The following NPAS3 variants were observed in gnomAD, a reference collection of about 807,000 sequenced individuals.
NPAS3 encodes neuronal PAS domain-containing protein 3.
A neutral mutation model predicts 73.1 loss-of-function variants in NPAS3; 14 were observed. The ratio of observed to expected loss-of-function variants is 0.19; its 90% CI spans 0.13 to 0.30. NPAS3 has a LOEUF of 0.30. Among genes scored for constraint, NPAS3 ranks in the 10% least tolerant of loss-of-function variants. NPAS3 has a pLI of 1.00. For missense variants in NPAS3, 1,096 were observed against 1,250.0 expected (o/e 0.88, Z 1.86); for synonymous variants, 620 against 541.5 (o/e 1.14, Z -2.01).
chr14:33,197,151 C>T (rs1461509564), intron 2 of NPAS3, among the ~76,000 whole-genome samples: 7 of 151,958 alleles, frequency 4.6e-5, no homozygotes, highest in Admixed American at 3.3e-4. Flanking sequence ...TACAGTTGAA[C>T]ATACACCATT....
At chr14:33,721,684 T>G (rs1327707869) in intron 6 of NPAS3, among the ~76,000 whole-genome samples, 1 of 152,168 alleles carries the variant, frequency 6.6e-6, no homozygotes, top group Non-Finnish European at 1.5e-5. Flanking sequence ...GAAAATTTAT[T>G]TAGGTTTCAT....
chr14:33,033,907 C>G (rs953961693), intron 1 of NPAS3, among the ~76,000 whole-genome samples: 6 of 152,132 alleles, frequency 3.9e-5, no homozygotes, highest in African/African-American at 1.2e-4. Context: ...GAAGCTTATG[C>G]ATAATACACA....
At chr14:33,027,154 G>A (rs1363471302) in intron 1 of NPAS3, among the ~76,000 whole-genome samples, 4 of 152,206 alleles carry the variant, frequency 2.6e-5, no homozygotes, top group African/African-American at 9.6e-5. Flanking sequence ...AGCGTTGGCA[G>A]GGAATTGGGC....
At chr14:33,255,737 G>A (rs899708901) in intron 3 of NPAS3, among the ~76,000 whole-genome samples, 4 of 152,100 alleles carry the variant, frequency 2.6e-5, no homozygotes, top group African/African-American at 7.2e-5. Context: ...CACAGTTAAG[G>A]TCTTTGTCTC....
chr14:33,087,177 G>GTATACAATATAATATTGTATAATATATAT (rs1566545854), intron 2 of NPAS3, among the ~76,000 whole-genome samples: 3 of 128,344 alleles, frequency 2.3e-5, no homozygotes, highest in African/African-American at 9.7e-5. Context: ...ATAATATATA[G>GTATACAATATAATATTGTATAATATATAT]TATACAATAT....
At chr14:33,381,872 G>C (rs2046569116) in intron 4 of NPAS3, among the ~76,000 whole-genome samples, 1 of 152,096 alleles carries the variant, frequency 6.6e-6, no homozygotes, top group Non-Finnish European at 1.5e-5. Context: ...CCTGTTTGCT[G>C]ACCATTTTGT....
At chr14:33,687,167 T>C (rs2060113298) in intron 6 of NPAS3, among the ~76,000 whole-genome samples, 1 of 152,130 alleles carries the variant, frequency 6.6e-6, no homozygotes, top group South Asian at 2.1e-4. Flanking sequence ...ACTATGGAGG[T>C]CTTAAGCTTT....
At chr14:33,451,686 A>T (rs2049798159) in intron 4 of NPAS3, among the ~76,000 whole-genome samples, 1 of 152,180 alleles carries the variant, frequency 6.6e-6, no homozygotes, top group Non-Finnish European at 1.5e-5. Context: ...TGGATTTACA[A>T]GCACTGTAAA....
intron 3 of NPAS3, among the ~76,000 whole-genome samples, chr14:33,316,350 C>A (rs1215250964): frequency 2.6e-5 from 4 of 152,016 alleles, no homozygotes; most frequent in African/African-American, 9.7e-5. Context: ...ACGTGAGCAG[C>A]AATACATAGA....
chr14:33,448,035 G>A (rs920826543), intron 4 of NPAS3, among the ~76,000 whole-genome samples: 5 of 152,208 alleles, frequency 3.3e-5, no homozygotes, highest in African/African-American at 9.6e-5. Context: ...CGTCTGGCCA[G>A]AATATTTGGG....
chr14:33,626,558 C>G (rs1477252641), intron 5 of NPAS3, among the ~76,000 whole-genome samples: 1 of 152,150 alleles, frequency 6.6e-6, no homozygotes, highest in African/African-American at 2.4e-5. Context: ...GGAAAGATAG[C>G]ATCATGGAAG....
intron 4 of NPAS3, among the ~76,000 whole-genome samples, chr14:33,496,722 G>A (rs963893112): frequency 5.3e-5 from 8 of 152,258 alleles, no homozygotes; most frequent in African/African-American, 1.9e-4. Context: ...AGCTATTGAT[G>A]ACAAACTGAC....
At chr14:33,061,591 A>T (rs1953449) in intron 2 of NPAS3, among the ~76,000 whole-genome samples, 1 of 152,008 alleles carries the variant, frequency 6.6e-6, no homozygotes, top group Non-Finnish European at 1.5e-5. Flanking sequence ...TATGTTGGTA[A>T]TGTGGATGGC....
At chr14:33,543,798 G>A (rs992261355) in intron 4 of NPAS3, among the ~76,000 whole-genome samples, 6 of 152,032 alleles carry the variant, frequency 3.9e-5, no homozygotes, top group East Asian at 3.9e-4. Flanking sequence ...GGAGTGAGTG[G>A]CAGCTGTTTG....
At chr14:33,268,172 C>T (rs977764223) in intron 3 of NPAS3, among the ~76,000 whole-genome samples, 2 of 152,078 alleles carry the variant, frequency 1.3e-5, no homozygotes, top group East Asian at 1.9e-4. Flanking sequence ...TTCTCTTGTC[C>T]ATTGGACAAG....
At chr14:33,224,872 T>C (rs1259510443) in intron 3 of NPAS3, among the ~76,000 whole-genome samples, 1 of 152,158 alleles carries the variant, frequency 6.6e-6, no homozygotes, top group Non-Finnish European at 1.5e-5. Context: ...ATTAGGAAAC[T>C]GGCTGAAGCA....
chr14:33,428,313 G>A (rs892682456), intron 4 of NPAS3, among the ~76,000 whole-genome samples: 1 of 152,030 alleles, frequency 6.6e-6, no homozygotes, highest in Non-Finnish European at 1.5e-5. Context: ...CTATTTCATA[G>A]TATTATTAGA....
At chr14:33,406,079 C>A (rs945877302) in intron 4 of NPAS3, among the ~76,000 whole-genome samples, 6 of 151,816 alleles carry the variant, frequency 4.0e-5, no homozygotes, top group African/African-American at 1.2e-4. Flanking sequence ...TTTTCAAAAG[C>A]AAATCATCTC....
chr14:33,164,839 CTTT>C (rs202227911), intron 2 of NPAS3, among the ~76,000 whole-genome samples: 39 of 141,882 alleles, frequency 2.7e-4, no homozygotes, highest in African/African-American at 8.9e-4. Context: ...ACAGGTGACT[CTTT>C]TTTTTTTTTT....
Sources: gnomAD v4.1 joint callset for allele counts (sites outside exome capture counted in the v4.1 genomes callset) on GRCh38, gnomAD v4.1.1 for gene constraint, MANE v1.5 for transcripts, NCBI Gene and HGNC (gene_info 2026-07-23, HGNC 2026-07-21) for gene names.